Variants in FHIP1A observed in about 807,000 individuals in gnomAD.
FHIP1A encodes the protein FHF complex subunit HOOK interacting protein 1A.
A neutral mutation model predicts 88.6 loss-of-function variants in FHIP1A; 61 were observed. The observed-to-expected ratio is 0.69, with a 90% CI of 0.56 to 0.85. The LOEUF is 0.85. Ranked by LOEUF, FHIP1A falls within the 40% of genes least tolerant of loss-of-function variation. The pLI is 0.00. For missense variants in FHIP1A, 1,154 were observed against 1,273.5 expected, an observed-to-expected ratio of 0.91 and a Z score of 1.43; for synonymous variants, 478 against 496.0, an observed-to-expected ratio of 0.96 and a Z score of 0.48.
At chr4:151,486,281 T>C (rs1730079891) in intron 3 of FHIP1A, among the ~76,000 whole-genome samples, 1 of 152,166 alleles carries the variant, frequency 6.6e-6, no homozygotes, top group Admixed American at 6.5e-5. Flanking sequence ...TATGTGCTAT[T>C]GTGCAAGCCA....
At chr4:151,600,663 G>A (rs1306544818) in intron 7 of FHIP1A, among the ~76,000 whole-genome samples, 1 of 152,158 alleles carries the variant, frequency 6.6e-6, no homozygotes, top group Non-Finnish European at 1.5e-5. Context: ...TGCGATGTCT[G>A]GGGCCTCAGC....
rs370374898 is a variant in FHIP1A, at chr4:151,411,343, A to ATTCTTTTT, written c.-356+1879_-356+1880insTCTTTTTT. ...AATTGCCTCTGAGGAGTGAAATTAT[A>ATTCTTTTT]TATATATTTTTTTTTTTTTAAAGTT... On this transcript the variant is annotated intron_variant, in intron 1 of 13. Coordinates refer to ENST00000435205, the MANE Select transcript of FHIP1A (RefSeq NM_001109977.3). Among the ~76,000 whole-genome samples the ATTCTTTTT allele has an allele frequency of 1.1e-3, 129 of 112,228 alleles. 13 individuals carry two copies. The highest frequency in any genetic ancestry group is 9.6e-3 in the Middle Eastern group (2 of 208). 73.6% of individuals were successfully genotyped at this position (112,228 alleles called of 152,430 possible). A position where few individuals can be genotyped will look rare whatever the true frequency, so the allele number is the denominator to read the frequency against.
intron 3 of FHIP1A, among the ~76,000 whole-genome samples, chr4:151,534,252 C>T (rs992494607): frequency 1.3e-5 from 2 of 152,186 alleles, no homozygotes; most frequent in African/African-American, 2.4e-5. Context: ...GAAATAGCAG[C>T]TATTTAAGTT....
Position 151,656,306 on chromosome 4 carries a change from A to G in FHIP1A, c.2626A>G (p.Ile876Val). The G allele has an allele frequency of 6.4e-7, 1 of 1,551,634 alleles. No individual in the cohort carries two copies. The highest frequency in any genetic ancestry group is 1.2e-5 in the South Asian group (1 of 84,048). ...ENSLHVNLLL[I>V]GIITQLASYP... is the part of the protein sequence containing the mutation. ...CTCTTTACATGTTAATTTGCTGCTTATCGGGATCATTACTCAGCTAGCCAG... is the reference window on the plus strand; with the variant it reads ...CTCTTTACATGTTAATTTGCTGCTTGTCGGGATCATTACTCAGCTAGCCAG... The change falls in exon 12 of 14, where the codon ATC (isoleucine) becomes GTC (valine). Residue 876 changes from isoleucine to valine, a missense_variant. Coordinates refer to ENST00000435205, the MANE Select transcript of FHIP1A (RefSeq NM_001109977.3). This position sits in a 1 kb window ranked among gnomAD's most constrained non-coding sequence, Gnocchi z 4.2.
intron 7 of FHIP1A, among the ~76,000 whole-genome samples, chr4:151,620,756 T>C (rs2126863167): frequency 7.5e-6 from 1 of 133,962 alleles, no homozygotes; most frequent in South Asian, 2.4e-4. Context: ...AAATTAGATA[T>C]CTTTTTTTTT....
At chr4:151,527,241 A>G (rs1731706395) in intron 3 of FHIP1A, among the ~76,000 whole-genome samples, 1 of 152,222 alleles carries the variant, frequency 6.6e-6, no homozygotes, top group African/African-American at 2.4e-5. Flanking sequence ...ACCATTGAGC[A>G]CTGAGTGAAC....
intron 5 of FHIP1A, among the ~76,000 whole-genome samples, chr4:151,579,525 C>G (rs1157776362): frequency 6.6e-6 from 1 of 152,096 alleles, no homozygotes; most frequent in Non-Finnish European, 1.5e-5. Flanking sequence ...TAAAGGAGAG[C>G]AGGTATTGTA....
intron 3 of FHIP1A, among the ~76,000 whole-genome samples, chr4:151,506,379 G>A (rs903354421): frequency 6.6e-6 from 1 of 152,160 alleles, no homozygotes; most frequent in Admixed American, 6.5e-5. Context: ...GCAGTATATT[G>A]TCTTAGTCTA....
At chr4:151,447,222 T>G (rs896439240) in intron 1 of FHIP1A, among the ~76,000 whole-genome samples, 2 of 152,212 alleles carry the variant, frequency 1.3e-5, no homozygotes, top group African/African-American at 4.8e-5. Flanking sequence ...GAAAATGAAC[T>G]CTGAAATAGT....
intron 3 of FHIP1A, among the ~76,000 whole-genome samples, chr4:151,523,306 G>C (rs1306924676): frequency 6.6e-6 from 1 of 152,178 alleles, no homozygotes; most frequent in Non-Finnish European, 1.5e-5. Flanking sequence ...CTAATGGTAA[G>C]CATAGAGAAT....
chr4:151,459,347 G>C (rs1161466508), intron 2 of FHIP1A, among the ~76,000 whole-genome samples: 1 of 152,198 alleles, frequency 6.6e-6, no homozygotes, highest in African/African-American at 2.4e-5. Context: ...GAAGGATAAG[G>C]AAGCAAATTT....
At chr4:151,416,048 T>C (rs989454333) in intron 1 of FHIP1A, among the ~76,000 whole-genome samples, 1 of 152,180 alleles carries the variant, frequency 6.6e-6, no homozygotes, top group South Asian at 2.1e-4. Flanking sequence ...GTATTTTAGC[T>C]CTTCTCCTTA....
chr4:151,455,276 A>G (rs763279698), intron 2 of FHIP1A, among the ~76,000 whole-genome samples: 2 of 152,230 alleles, frequency 1.3e-5, no homozygotes, highest in Admixed American at 6.5e-5. Flanking sequence ...TGTTTCCTCT[A>G]TTGTTAGCCA....
At chr4:151,486,202 T>C (rs1333522702) in intron 3 of FHIP1A, among the ~76,000 whole-genome samples, 1 of 152,160 alleles carries the variant, frequency 6.6e-6, no homozygotes, top group Non-Finnish European at 1.5e-5. Context: ...GCTTGGTTCC[T>C]AACAGGCCAG....
chr4:151,524,090 T>G (rs559046635), intron 3 of FHIP1A, among the ~76,000 whole-genome samples: 51 of 152,234 alleles, frequency 3.4e-4, no homozygotes, highest in African/African-American at 1.2e-3. Flanking sequence ...GGCGGGCAGA[T>G]CATGAGGTCA....
chr4:151,593,433 T>C (rs1289594892), intron 7 of FHIP1A, among the ~76,000 whole-genome samples: 1 of 152,206 alleles, frequency 6.6e-6, no homozygotes, highest in Non-Finnish European at 1.5e-5. Flanking sequence ...TCCTCTCTTA[T>C]TTCCTTGAGC....
intron 8 of FHIP1A, among the ~76,000 whole-genome samples, chr4:151,630,908 G>A (rs773049313): frequency 5.9e-5 from 9 of 152,056 alleles, no homozygotes; most frequent in Non-Finnish European, 1.2e-4. Flanking sequence ...CTAATCAGTG[G>A]GTCAAAGAAG....
At chr4:151,446,488 T>TTTTC (rs1413706017) in intron 1 of FHIP1A, among the ~76,000 whole-genome samples, 1 of 151,458 alleles carries the variant, frequency 6.6e-6, no homozygotes, top group East Asian at 1.9e-4. Flanking sequence ...CTTTTCCTTT[T>TTTTC]TTTTTTTTGC....
intron 2 of FHIP1A, among the ~76,000 whole-genome samples, chr4:151,475,745 C>G (rs1729675068): frequency 6.6e-6 from 1 of 151,956 alleles, no homozygotes; most frequent in Non-Finnish European, 1.5e-5. Context: ...AACACTGTAA[C>G]AGTTGAGGTT....
Sources: gnomAD v4.1 joint callset for allele counts (sites outside exome capture counted in the v4.1 genomes callset) on GRCh38, gnomAD v4.1.1 for gene constraint, Gnocchi (gnomAD v3.1) non-coding constraint, MANE v1.5 for transcripts, NCBI Gene and HGNC (gene_info 2026-07-23, HGNC 2026-07-21) for gene names.